Variants in CUX2 observed in about 807,000 individuals in gnomAD.
CUX2 encodes the protein cut like homeobox 2, also known as homeobox protein cut-like 2.
Under a neutral mutation model 144.8 loss-of-function variants are expected in CUX2, and 40 were observed. The observed-to-expected ratio is 0.28, with a 90% CI of 0.21 to 0.36. CUX2 has a LOEUF of 0.36. Ranked by LOEUF, CUX2 falls within the 10% of genes least tolerant of loss-of-function variation. The pLI is 1.00. For synonymous variants in CUX2, 827 were observed against 875.6 expected (o/e 0.94, Z 0.98); for missense variants, 1,615 against 1,994.0 (o/e 0.81, Z 3.62).
intron 21 of CUX2, among the ~76,000 whole-genome samples, chr12:111,342,407 G>A (rs1050710145): frequency 2.0e-5 from 3 of 152,088 alleles, no homozygotes; most frequent in Non-Finnish European, 4.4e-5. Context: ...CTTAAGCCCA[G>A]GAGGCGGAGG....
intron 1 of CUX2, among the ~76,000 whole-genome samples, chr12:111,211,015 G>A (rs1016390552): frequency 6.6e-6 from 1 of 152,160 alleles, no homozygotes; most frequent in African/African-American, 2.4e-5. Flanking sequence ...GCCCCTGTTT[G>A]AATCACCATA....
At chr12:111,265,695 G>A (rs1037277986) in intron 4 of CUX2, among the ~76,000 whole-genome samples, 9 of 151,998 alleles carry the variant, frequency 5.9e-5, no homozygotes, top group African/African-American at 2.2e-4. Flanking sequence ...CTCATTTACT[G>A]ACCCAGAAAC....
chr12:111,062,071 G>C (rs989746140), intron 1 of CUX2, among the ~76,000 whole-genome samples: 5 of 152,208 alleles, frequency 3.3e-5, no homozygotes, highest in Non-Finnish European at 5.9e-5. Context: ...CGGAGTAAGT[G>C]CCCAATCCAT....
intron 16 of CUX2, among the ~76,000 whole-genome samples, chr12:111,318,839 A>AT (rs1419868882): frequency 6.6e-6 from 1 of 151,560 alleles, no homozygotes; most frequent in Non-Finnish European, 1.5e-5. Flanking sequence ...TAATTTTTGT[A>AT]TTTTTTGCAG....
At chr12:111,278,226 G>A (rs1171195283) in intron 4 of CUX2, among the ~76,000 whole-genome samples, 1 of 152,210 alleles carries the variant, frequency 6.6e-6, no homozygotes, top group East Asian at 1.9e-4. Context: ...AGACCAGCCT[G>A]GGCAACATAG....
chr12:111,058,965 A>G (rs141018237), intron 1 of CUX2, among the ~76,000 whole-genome samples: 78 of 152,318 alleles, frequency 5.1e-4, no homozygotes, highest in African/African-American at 1.8e-3. Context: ...GCAATAATCA[A>G]TATTGTTATC....
chr12:111,084,493 CT>C (rs537311380), intron 1 of CUX2, among the ~76,000 whole-genome samples: 233 of 142,218 alleles, frequency 1.6e-3, no homozygotes, highest in Middle Eastern at 3.8e-3. Context: ...TAAACAGAAT[CT>C]TTTTTTTTTT....
At chr12:111,259,366 A>G (rs551912900) in intron 3 of CUX2, among the ~76,000 whole-genome samples, 6 of 152,130 alleles carry the variant, frequency 3.9e-5, no homozygotes, top group Non-Finnish European at 7.4e-5. Context: ...CTGTCCTTGT[A>G]ACATAAAAGC....
intron 3 of CUX2, among the ~76,000 whole-genome samples, chr12:111,220,952 A>G (rs1317303341): frequency 1.3e-5 from 2 of 150,498 alleles, no homozygotes; most frequent in Non-Finnish European, 3.0e-5. Context: ...AAAAAAAAAA[A>G]AAAAAAAAAG....
At chr12:111,290,298 G>A (rs1383249111) in intron 4 of CUX2, among the ~76,000 whole-genome samples, 2 of 152,164 alleles carry the variant, frequency 1.3e-5, no homozygotes, top group Non-Finnish European at 2.9e-5. Flanking sequence ...ATCTCACTCT[G>A]TTGCTGAGGC....
chr12:111,307,248 C>T lies in CUX2; in HGVS notation c.1100C>T (p.Thr367Met), dbSNP rs1216201370. 6 of 1,613,962 alleles carry T rather than the reference C, an allele frequency of 3.7e-6. No homozygotes were observed. The highest frequency in any genetic ancestry group is 2.7e-5 in the African/African-American group (2 of 74,920). ...QAQSDYEEIK[T>M]ELSILKAMKL... ...CAGTCTGACTATGAGGAAATTAAAACGGAGCTGAGGTACCATGTGGGGTGG... is the reference window on the plus strand; with the variant it reads ...CAGTCTGACTATGAGGAAATTAAAATGGAGCTGAGGTACCATGTGGGGTGG... The change falls in exon 12 of 22, where the codon ACG becomes ATG. Residue 367 changes from threonine to methionine, a missense_variant. Around this residue, in one of 12 missense-constraint regions of CUX2, gnomAD observed 2 missense variants for 16.2 expected, o/e 0.12. Coordinates refer to ENST00000261726, the MANE Select transcript of CUX2 (RefSeq NM_015267.4). The surrounding 1 kb of genome is among the most constrained non-coding windows in gnomAD (Gnocchi z 4.1).
rs557928216 is a variant in CUX2 at position 111,285,456 on chromosome 12, G to A, written c.302-5962G>A. On this transcript the variant is annotated intron_variant, in intron 4 of 21. Transcript: ENST00000261726. ...TCACCCATTAGTTAGAAGGTCTAAC[G>A]GCCGAGCCATGAACCACCCCACCTG... is the stretch of plus-strand genomic sequence containing the variant. Among the ~76,000 whole-genome samples the A allele has an allele frequency of 5.8e-4, 89 of 152,242 alleles. No homozygotes were observed. In the South Asian group the frequency reaches 0.016, roughly 27 times the overall value.
At chr12:111,094,794 G>A (rs1311739984) in intron 1 of CUX2, among the ~76,000 whole-genome samples, 1 of 152,172 alleles carries the variant, frequency 6.6e-6, no homozygotes, top group Non-Finnish European at 1.5e-5. Flanking sequence ...CACTGCAGCT[G>A]GTGCATCCAC....
intron 1 of CUX2, among the ~76,000 whole-genome samples, chr12:111,181,189 A>G (rs976946324): frequency 1.3e-5 from 2 of 152,214 alleles, no homozygotes; most frequent in Non-Finnish European, 2.9e-5. Flanking sequence ...GTGCATTCTG[A>G]GGAACACAGG....
chr12:111,211,804 G>A (rs1170175352), intron 1 of CUX2, among the ~76,000 whole-genome samples: 2 of 151,712 alleles, frequency 1.3e-5, no homozygotes, highest in African/African-American at 2.4e-5. Flanking sequence ...GGAGAATGCC[G>A]TGAACCTGGG....
At chr12:111,248,594 G>A (rs144752546) in intron 3 of CUX2, among the ~76,000 whole-genome samples, 405 of 152,196 alleles carry the variant, frequency 2.7e-3, no homozygotes, top group South Asian at 6.9e-3. Context: ...AGGGGCTGGT[G>A]GGCTTTGAGA....
rs771169254 is a variant in CUX2, at chr12:111,190,819, C to T, written c.64-23381C>T. On this transcript the variant is annotated intron_variant, in intron 1 of 21. Transcript: ENST00000261726. This position sits in a 1 kb window ranked among gnomAD's most constrained non-coding sequence, Gnocchi z 4.0. ...GCTGCTACCCCAAAGCTGAATGCCCCGGCTTTTAATCTGTGTGCGTTGACT... is the reference window on the plus strand; with the variant it reads ...GCTGCTACCCCAAAGCTGAATGCCCTGGCTTTTAATCTGTGTGCGTTGACT... 1.3e-5 allele frequency among the ~76,000 whole-genome samples: 2 copies of T among 152,156 alleles called. No homozygotes were observed. The highest frequency in any genetic ancestry group is 1.9e-4 in the East Asian group (1 of 5,200).
chr12:111,115,175 A>G (rs1463826890), intron 1 of CUX2, among the ~76,000 whole-genome samples: 1 of 151,742 alleles, frequency 6.6e-6, no homozygotes, highest in Non-Finnish European at 1.5e-5. Flanking sequence ...TGTAAATTTT[A>G]GAATTGGCTT....
At chr12:111,177,965 A>T (rs796345500) in intron 1 of CUX2, among the ~76,000 whole-genome samples, 5 of 152,366 alleles carry the variant, frequency 3.3e-5, no homozygotes, top group African/African-American at 1.2e-4. Flanking sequence ...GTAAGCAATC[A>T]ATAAGTTATA....
Sources: allele counts gnomAD v4.1 joint callset (sites outside exome capture counted in the v4.1 genomes callset), GRCh38; gene constraint gnomAD v4.1.1; regional missense constraint gnomAD v4.1.1; non-coding constraint Gnocchi (gnomAD v3.1); transcripts MANE v1.5; gene names NCBI Gene and HGNC (gene_info 2026-07-23, HGNC 2026-07-21).